NFE2L2: variants seen among roughly 807,000 people sequenced by gnomAD.
NFE2L2 encodes the protein nuclear factor erythroid 2-related factor 2.
NFE2L2 carries 20 observed loss-of-function variants against 49.6 expected under a neutral mutation model. That is an observed-to-expected ratio of 0.40 (90% CI 0.28 to 0.59). The LOEUF (loss-of-function observed/expected upper bound fraction) is 0.59, where lower values mean the gene tolerates loss of function less well. Among genes scored for constraint, NFE2L2 ranks in the 20% least tolerant of loss-of-function variants. NFE2L2 has a pLI of 0.40. For synonymous variants in NFE2L2, 244 were observed against 256.5 expected, an observed-to-expected ratio of 0.95 and a Z score of 0.47; for missense variants, 578 against 714.2, an observed-to-expected ratio of 0.81 and a Z score of 2.17.
intron 1 of NFE2L2, among the ~76,000 whole-genome samples, chr2:177,251,714 G>A (rs569575210): frequency 7.9e-5 from 12 of 152,264 alleles, no homozygotes; most frequent in Non-Finnish European, 1.5e-4. Context: ...ACTGGAACTC[G>A]AGGGATTTTT....
chr2:177,241,912 A>T (rs1451563340), intron 1 of NFE2L2, among the ~76,000 whole-genome samples: 1 of 152,226 alleles, frequency 6.6e-6, no homozygotes, highest in Non-Finnish European at 1.5e-5. Flanking sequence ...TGCAGTCGTA[A>T]TCCTTATTAG....
At chr2:177,241,015 A>C (rs369015330) in intron 1 of NFE2L2, among the ~76,000 whole-genome samples, 59 of 152,238 alleles carry the variant, frequency 3.9e-4, no homozygotes, top group African/African-American at 1.3e-3. Context: ...CCTACCCTCT[A>C]TCTTGCCCTG....
intron 1 of NFE2L2, chr2:177,264,216 C>T (rs1316432693): frequency 3.2e-6 from 1 of 312,450 alleles, no homozygotes. Context: ...GCTCCGGAGT[C>T]CCAGCTCTCG....
intron 1 of NFE2L2, among the ~76,000 whole-genome samples, chr2:177,255,098 G>A (rs907733867): frequency 1.3e-5 from 2 of 152,232 alleles, no homozygotes; most frequent in East Asian, 1.9e-4. Flanking sequence ...AGCAAGAGCC[G>A]CATACTCCCG....
chr2:177,260,447 A>C (rs1170607888), intron 1 of NFE2L2, among the ~76,000 whole-genome samples: 1 of 152,258 alleles, frequency 6.6e-6, no homozygotes, highest in Non-Finnish European at 1.5e-5. Context: ...ATAAGGACTA[A>C]GAAAGTGTTT....
intron 3 of NFE2L2, 128 bp from the exon 4 acceptor site, chr2:177,232,711 G>T: frequency 1.2e-6 from 1 of 827,898 alleles, no homozygotes; most frequent in Non-Finnish European, 1.8e-6. Flanking sequence ...AACCAGTCAT[G>T]ACCCCGTTTG....
chr2:177,234,391 A>G, intron 1 of NFE2L2, 120 bp from the exon 2 acceptor site: 3 of 1,132,178 alleles, frequency 2.6e-6, no homozygotes, highest in South Asian at 1.6e-5. Flanking sequence ...TACAAATACA[A>G]TCTAAATGAG....
At chr2:177,261,282 T>C (rs1027550444) in intron 1 of NFE2L2, among the ~76,000 whole-genome samples, 5 of 152,138 alleles carry the variant, frequency 3.3e-5, no homozygotes, top group Non-Finnish European at 7.3e-5. Context: ...TGATGGATTG[T>C]ATTCACTCTC....
rs2105451981 is a variant in NFE2L2 at position 177,231,260 on chromosome 2, C to G, written c.1343G>C (p.Ser448Thr). 1 of 1,614,224 alleles carries G rather than the reference C, an allele frequency of 6.2e-7. No individual in the cohort carries two copies. Among genetic ancestry groups the G allele is most frequent in the Non-Finnish European group, 8.5e-7 (1 of 1,180,048 alleles). The change falls in exon 5 of 5, where the codon AGC becomes ACC. Residue 448 changes from serine (S) to threonine (T), a missense_variant. Physicochemically the swap from Ser to Thr is moderately conservative, Grantham distance 58. This residue lies in a region of NFE2L2 where 368 missense variants were observed against 384.6 expected (regional missense o/e 0.96). Coordinates refer to ENST00000397062, the MANE Select transcript of NFE2L2 (RefSeq NM_006164.5). Reference protein sequence around the residue: ...KTPFTKDKHSSRLEAHLTRDE... With the variant: ...KTPFTKDKHSTRLEAHLTRDE... Reference sequence around the variant, plus strand: ...TCTTGTGAGATGAGCCTCCAAGCGGCTTGAATGTTTGTCTTTTGTGAATGG... The same window carrying G: ...TCTTGTGAGATGAGCCTCCAAGCGGGTTGAATGTTTGTCTTTTGTGAATGG...
intron 1 of NFE2L2, among the ~76,000 whole-genome samples, chr2:177,262,095 C>A (rs756972333): frequency 6.6e-6 from 1 of 152,138 alleles, no homozygotes; most frequent in African/African-American, 2.4e-5. Context: ...ATTTTTAATG[C>A]GTAAAAGACT....
intron 3 of NFE2L2, 77 bp downstream of exon 3, chr2:177,233,173 G>A (rs749449181): frequency 1.2e-5 from 14 of 1,177,358 alleles, no homozygotes; most frequent in Admixed American, 5.5e-5. Flanking sequence ...ATTCATTGAC[G>A]GGACTTACAT....
In NFE2L2 at chr2:177,252,656, A is replaced by G. The variant is rs1051607471; in HGVS notation, c.45+11876T>C. ...TCATCAGTGACCACACTGGTGGATG[A>G]GTATTTTTAAAGCACAGGAACAGCG... is the stretch of plus-strand genomic sequence containing the variant. On this transcript the variant is annotated intron_variant, in intron 1 of 4. Coordinates refer to ENST00000397062, the MANE Select transcript of NFE2L2 (RefSeq NM_006164.5). 1.2e-3 allele frequency among the ~76,000 whole-genome samples: 3 copies of G among 2,406 alleles called. No homozygotes were observed. In the Non-Finnish European group the frequency reaches 0.044, roughly 35 times the overall value. 1.6% of individuals were successfully genotyped at this position (2,406 alleles called of 152,430 possible). A position where few individuals can be genotyped will look rare whatever the true frequency, so the allele number is the denominator to read the frequency against.
intron 1 of NFE2L2, among the ~76,000 whole-genome samples, chr2:177,248,451 C>T (rs745382148): frequency 6.6e-6 from 1 of 152,096 alleles, no homozygotes; most frequent in Non-Finnish European, 1.5e-5. Context: ...CTCTTGTTGC[C>T]CAGGCTGGAG....
Position 177,230,593 on chromosome 2 carries a change from TAA to T in NFE2L2, c.*190_*191del, listed in dbSNP as rs1428184511. The stretch of plus-strand genomic sequence containing the variant: ...GGTGTCCTAAGAAATTGTTTACAGT[TAA>T]AGTGAAACTACTGATTCAACATACT... On this transcript the variant is annotated 3_prime_UTR_variant, in exon 5 of 5. Transcript: ENST00000397062. 3.4e-6 allele frequency: 2 copies of T among 582,554 alleles called. No individual in the cohort carries two copies. The highest frequency in any genetic ancestry group is 3.9e-5 in the African/African-American group (2 of 51,512). The allele number at this position is 582,554 out of a possible 1,614,324, so 36.1% of individuals were successfully genotyped here.
At position 177,230,418 on chromosome 2, in the gene NFE2L2, A is replaced by G. The variant is rs111874043; in HGVS notation, c.*367T>C. On this transcript the variant is annotated 3_prime_UTR_variant, in exon 5 of 5. Transcript: ENST00000397062. Reference sequence around the variant, plus strand: ...GCCATTTTTTGTCCATACAGTATTTATAAAAAAGTACATAGTGGTTAGTTT... The same window carrying G: ...GCCATTTTTTGTCCATACAGTATTTGTAAAAAAGTACATAGTGGTTAGTTT... 4.2e-6 allele frequency: 1 copy of G among 238,930 alleles called. No individual in the cohort carries two copies. The highest frequency in any genetic ancestry group is 8.2e-6 in the Non-Finnish European group (1 of 122,366). 14.8% of individuals were successfully genotyped at this position (238,930 alleles called of 1,614,324 possible). A position where few individuals can be genotyped will look rare whatever the true frequency, so the allele number is the denominator to read the frequency against.
rs181379009 is a variant in NFE2L2 at position 177,250,033 on chromosome 2, A to T, written c.45+14499T>A. Among the ~76,000 whole-genome samples the T allele has an allele frequency of 1.6e-4, 24 of 152,238 alleles. No homozygotes were observed. The East Asian group carries it at 3.9e-3, about 24-fold the overall frequency. ...TACACTGAAATCAATGGGAAAATTC[A>T]CCCTTCCAAAATACCTGAGACAGTA... On this transcript the variant is annotated intron_variant, in intron 1 of 4. Transcript: ENST00000397062.
chr2:177,231,323 T>C lies in NFE2L2; in HGVS notation c.1280A>G (p.Glu427Gly). 1 of 1,614,286 alleles carries C rather than the reference T, an allele frequency of 6.2e-7. No individual in the cohort carries two copies. The change falls in exon 5 of 5, where the codon GAG (glutamate) becomes GGG (glycine). Residue 427 changes from glutamate to glycine, a missense_variant. Coordinates refer to ENST00000397062, the MANE Select transcript of NFE2L2 (RefSeq NM_006164.5). ...VHDAQCENTPEKELPVSPGHR... is the reference protein window; with the variant it reads ...VHDAQCENTPGKELPVSPGHR... ...ACCAGGACTTACAGGCAATTCTTTCTCTGGTGTGTTCTCACATTGGGCATC... is the reference window on the plus strand; with the variant it reads ...ACCAGGACTTACAGGCAATTCTTTCCCTGGTGTGTTCTCACATTGGGCATC...
intron 1 of NFE2L2, chr2:177,263,728 C>G (rs1690830884): frequency 1.0e-6 from 1 of 985,466 alleles, no homozygotes. Context: ...TGCCCTCGCC[C>G]GCACTTTCCC....
At chr2:177,258,237 T>C (rs946108825) in intron 1 of NFE2L2, among the ~76,000 whole-genome samples, 1 of 152,242 alleles carries the variant, frequency 6.6e-6, no homozygotes, top group African/African-American at 2.4e-5. Context: ...AATGGAATAG[T>C]ATGCAGCCAT....
Sources: allele counts gnomAD v4.1 joint callset (sites outside exome capture counted in the v4.1 genomes callset), GRCh38; gene constraint gnomAD v4.1.1; regional missense constraint gnomAD v4.1.1; transcripts MANE v1.5; gene names NCBI Gene and HGNC (gene_info 2026-07-23, HGNC 2026-07-21).